Variants in MEG3 observed in about 807,000 individuals in gnomAD.
The protein encoded by MEG3 is maternally expressed 3.
intron 3 of MEG3, chr14:100,852,144 CTG>C (rs938908797): frequency 2.8e-6 from 1 of 357,666 alleles, no homozygotes; most frequent in African/African-American, 2.1e-5. Context: ...CAGAGTGACT[CTG>C]TAGACGCTGG....
chr14:100,830,730 A>G (rs548033703), downstream of MEG3: 1 of 152,306 alleles, frequency 6.6e-6, no homozygotes, highest in African/African-American at 2.4e-5. Flanking sequence ...TTTGACCAGG[A>G]ATTTCTTTCG....
chr14:100,836,162 CCAAGGCA>C, intron 1 of MEG3: 2 of 450,484 alleles, frequency 4.4e-6, no homozygotes, highest in South Asian at 3.2e-5. Flanking sequence ...CTGCCCTTCC[CCAAGGCA>C]CGTGGGCCGT....
Position 100,845,366 on chromosome 14 carries a change from C to T in MEG3, n.3046-92C>T, listed in dbSNP as rs990292043. ...GTCTCTGCTCCAGGCCACCCCTGCCCGCCCCCCAGAGCTGTTGTCCTCATC... is the reference window on the plus strand; with the variant it reads ...GTCTCTGCTCCAGGCCACCCCTGCCTGCCCCCCAGAGCTGTTGTCCTCATC... On this transcript the variant is annotated intron_variant and non_coding_transcript_variant, in intron 2 of 3. Transcript: ENST00000398461. The surrounding 1 kb of genome is among the most constrained non-coding windows in gnomAD (Gnocchi z 5.2). 3.5e-5 allele frequency: 13 copies of T among 374,650 alleles called. No individual in the cohort carries two copies. The highest frequency in any genetic ancestry group is 8.8e-5 in the African/African-American group (4 of 45,594). The allele number at this position is 374,650 out of a possible 1,614,324, so 23.2% of individuals were successfully genotyped here. A position where few individuals can be genotyped will look rare whatever the true frequency, so the allele number is the denominator to read the frequency against.
intron 2 of MEG3, among the ~76,000 whole-genome samples, chr14:100,838,762 G>A (rs998513008): frequency 6.6e-6 from 1 of 152,060 alleles, no homozygotes; most frequent in African/African-American, 2.4e-5. Context: ...CTCTCCTCTC[G>A]CACCTGCCCG....
intron 2 of MEG3, chr14:100,836,366 T>G (rs2037580584): frequency 4.5e-6 from 2 of 440,672 alleles, no homozygotes; most frequent in Admixed American, 5.4e-5. Context: ...TCCTCTCTGA[T>G]CAACAAGAGT....
exon 1 of MEG3, chr14:100,834,426 AAACTTTCAAAAGTT>A (rs908299034): frequency 5.1e-5 from 14 of 276,876 alleles, no homozygotes; most frequent in African/African-American, 3.1e-4. Flanking sequence ...GGAGCCCTAA[AAACTTTCAAAAGTT>A]AACTCCCCAC....
At chr14:100,828,036 C>T (rs2037292183) in intron 1 of MEG3, among the ~76,000 whole-genome samples, 1 of 152,100 alleles carries the variant, frequency 6.6e-6, no homozygotes, top group Non-Finnish European at 1.5e-5. Flanking sequence ...GCCGCAGCCA[C>T]AGGTGGGCTC....
At chr14:100,842,600 A>G (rs1299483995) in intron 2 of MEG3, among the ~76,000 whole-genome samples, 1 of 152,152 alleles carries the variant, frequency 6.6e-6, no homozygotes, top group African/African-American at 2.4e-5. Flanking sequence ...CTGAGGCAAG[A>G]CTGATTATTT....
chr14:100,829,248 T>C (rs993757357), downstream of MEG3: 4 of 152,254 alleles, frequency 2.6e-5, no homozygotes, highest in African/African-American at 9.6e-5. Context: ...ATGAGTACTT[T>C]CCTATAAGTC....
intron 2 of MEG3, among the ~76,000 whole-genome samples, chr14:100,843,095 C>T (rs968610883): frequency 1.3e-5 from 2 of 152,188 alleles, no homozygotes; most frequent in Non-Finnish European, 1.5e-5. Flanking sequence ...TTCTCTGTAG[C>T]AGAGCAGCCT....
chr14:100,853,088 T>C (rs2038135150), upstream of MEG3: 1 of 152,350 alleles, frequency 6.6e-6, no homozygotes, highest in Non-Finnish European at 1.5e-5. Flanking sequence ...AGATAAAACA[T>C]CCTTCACGTG....
In MEG3 at chr14:100,845,333, G is replaced by T. The variant is rs558250936; in HGVS notation, n.3046-125G>T. 6 of 360,376 alleles carry T rather than the reference G, an allele frequency of 1.7e-5. No homozygotes were observed. Among genetic ancestry groups the T allele is most frequent in the East Asian group, 8.0e-5 (1 of 12,562 alleles). The allele number at this position is 360,376 out of a possible 1,614,324, so 22.3% of individuals were successfully genotyped here. On this transcript the variant is annotated intron_variant and non_coding_transcript_variant, in intron 2 of 3. Coordinates refer to the MEG3 transcript ENST00000398461. This position sits in a 1 kb window ranked among gnomAD's most constrained non-coding sequence, Gnocchi z 5.2. ...TTCTCCAATTCCACACTTGCTGGAGGTTGGGGAGTCTCTGCTCCAGGCCAC... is the reference window on the plus strand; with the variant it reads ...TTCTCCAATTCCACACTTGCTGGAGTTTGGGGAGTCTCTGCTCCAGGCCAC...
At chr14:100,855,764 A>T (rs1308738545), upstream of MEG3, 1 of 152,182 alleles carries the variant, frequency 6.6e-6, no homozygotes, top group Non-Finnish European at 1.5e-5. Flanking sequence ...AACAATGAAC[A>T]CGTTGGTAAA....
chr14:100,860,437 G>A, intron 1 of MEG3: 2 of 356,632 alleles, frequency 5.6e-6, no homozygotes, highest in Non-Finnish European at 1.1e-5. Flanking sequence ...GGACTAGAGT[G>A]ATGCTTCCAG....
chr14:100,840,989 G>A (rs146372954), intron 2 of MEG3, among the ~76,000 whole-genome samples: 2 of 152,312 alleles, frequency 1.3e-5, no homozygotes, highest in East Asian at 1.9e-4. Flanking sequence ...GGAAGTTGGC[G>A]GTAGGGGGCT....
downstream of MEG3, chr14:100,832,588 C>A (rs1034619467): frequency 1.4e-4 from 21 of 152,772 alleles, no homozygotes; most frequent in African/African-American, 5.1e-4. Context: ...GTATTCGTCG[C>A]ATAAGGATCC....
chr14:100,844,457 TTTTTTAAATGAATAAAC>T (rs1397657640), intron 2 of MEG3, among the ~76,000 whole-genome samples: 1 of 148,230 alleles, frequency 6.7e-6, no homozygotes, highest in South Asian at 2.1e-4. Flanking sequence ...ATTCAACACA[TTTTTTAAATGAATAAAC>T]TTTTTTTCTG....
chr14:100,847,288 A>C (rs1044967627), intron 3 of MEG3: 1 of 152,198 alleles, frequency 6.6e-6, no homozygotes, highest in Non-Finnish European at 1.5e-5. Context: ...TGACAAAAGA[A>C]AGAAAAAAAG....
At chr14:100,839,997 T>G (rs1162611923) in intron 2 of MEG3, among the ~76,000 whole-genome samples, 1 of 152,178 alleles carries the variant, frequency 6.6e-6, no homozygotes, top group Non-Finnish European at 1.5e-5. Flanking sequence ...GACATATCTC[T>G]GTCTGTCCTC....
Sources: gnomAD v4.1 joint callset for allele counts (sites outside exome capture counted in the v4.1 genomes callset) on GRCh38, gnomAD v4.1.1 for gene constraint, Gnocchi (gnomAD v3.1) non-coding constraint, MANE v1.5 for transcripts, NCBI Gene and HGNC (gene_info 2026-07-23, HGNC 2026-07-21) for gene names.